Variants in TMEFF1 observed in about 807,000 individuals in gnomAD.
TMEFF1 encodes the protein tomoregulin-1.
TMEFF1 carries 20 observed loss-of-function variants against 47.5 expected under a neutral mutation model. That is an observed-to-expected ratio of 0.42 (90% CI 0.30 to 0.61). The LOEUF (loss-of-function observed/expected upper bound fraction) is 0.61, where lower values mean the gene tolerates loss of function less well. TMEFF1 is among the 20% of genes least tolerant of loss of function. The pLI is 0.19. For synonymous variants in TMEFF1, 162 were observed against 166.3 expected (o/e 0.97, Z 0.20); for missense variants, 411 against 471.1 (o/e 0.87, Z 1.18).
intron 4 of TMEFF1, among the ~76,000 whole-genome samples, chr9:100,514,727 G>A (rs1838031497): frequency 6.6e-6 from 1 of 151,660 alleles, no homozygotes; most frequent in Admixed American, 6.6e-5. Flanking sequence ...GGGCACAGTG[G>A]CTCATGCCTG....
At chr9:100,575,637 C>T (rs1460817577) in intron 9 of TMEFF1, among the ~76,000 whole-genome samples, 3 of 152,164 alleles carry the variant, frequency 2.0e-5, no homozygotes, top group Non-Finnish European at 4.4e-5. Flanking sequence ...GAGGAGTACT[C>T]ATTGTTATAA....
At chr9:100,573,117 A>G (rs1218205611) in intron 9 of TMEFF1, among the ~76,000 whole-genome samples, 1 of 152,002 alleles carries the variant, frequency 6.6e-6, no homozygotes, top group Admixed American at 6.6e-5. Flanking sequence ...ATAGGCGTGA[A>G]CCACCCTGAC....
chr9:100,497,799 T>TA (rs1837684464), intron 1 of TMEFF1, among the ~76,000 whole-genome samples: 1 of 152,118 alleles, frequency 6.6e-6, no homozygotes. Context: ...GATCTAGAGA[T>TA]ACAGGAGTCC....
chr9:100,514,579 A>G (rs1413713848), intron 4 of TMEFF1, among the ~76,000 whole-genome samples: 2 of 151,438 alleles, frequency 1.3e-5, no homozygotes, highest in African/African-American at 4.8e-5. Flanking sequence ...GGCTGGGCGC[A>G]GTGGCTCATG....
At chr9:100,559,523 TTA>T (rs2118541791) in intron 7 of TMEFF1, among the ~76,000 whole-genome samples, 1 of 152,290 alleles carries the variant, frequency 6.6e-6, no homozygotes, top group African/African-American at 2.4e-5. Context: ...GAGACTTATT[TTA>T]AAAAGTAAAA....
At chr9:100,526,095 T>TGG (rs1838248819) in intron 5 of TMEFF1, among the ~76,000 whole-genome samples, 2 of 152,228 alleles carry the variant, frequency 1.3e-5, no homozygotes, top group Non-Finnish European at 2.9e-5. Context: ...ATTCAGAACT[T>TGG]TGCAAGTGCA....
chr9:100,488,201 A>G (rs1303548351), intron 1 of TMEFF1, among the ~76,000 whole-genome samples: 3 of 152,232 alleles, frequency 2.0e-5, no homozygotes, highest in Non-Finnish European at 2.9e-5. Flanking sequence ...TAATGGGATT[A>G]TAACTGTATG....
intron 8 of TMEFF1, among the ~76,000 whole-genome samples, chr9:100,564,463 G>A (rs1369400000): frequency 6.6e-6 from 1 of 152,238 alleles, no homozygotes; most frequent in Non-Finnish European, 1.5e-5. Context: ...AACTATGACA[G>A]AGATCCAGGG....
intron 5 of TMEFF1, among the ~76,000 whole-genome samples, chr9:100,535,133 A>G (rs187796757): frequency 6.6e-6 from 1 of 152,180 alleles, no homozygotes. Context: ...ATCCATCTAT[A>G]TATATATTTT....
intron 8 of TMEFF1, among the ~76,000 whole-genome samples, chr9:100,571,162 A>G (rs1401336372): frequency 1.3e-5 from 2 of 152,214 alleles, no homozygotes; most frequent in African/African-American, 4.8e-5. Context: ...TATACACTGA[A>G]AAGTGTCTTG....
chr9:100,489,482 C>T (rs997039882), intron 1 of TMEFF1, among the ~76,000 whole-genome samples: 8 of 152,166 alleles, frequency 5.3e-5, no homozygotes, highest in African/African-American at 1.9e-4. Flanking sequence ...TGAGGCACTG[C>T]ACCCTGCCTA....
chr9:100,517,778 A>G (rs1465360677), intron 5 of TMEFF1, among the ~76,000 whole-genome samples: 1 of 152,220 alleles, frequency 6.6e-6, no homozygotes, highest in Admixed American at 6.5e-5. Flanking sequence ...GATTTGGAAG[A>G]ACATGTTTTC....
intron 1 of TMEFF1, among the ~76,000 whole-genome samples, chr9:100,493,476 G>GT: frequency 6.6e-6 from 1 of 152,248 alleles, no homozygotes; most frequent in South Asian, 2.1e-4. Flanking sequence ...GGCAGCTCAG[G>GT]TTCATAGAAA....
In TMEFF1 at chr9:100,497,320, C is replaced by CTT. The variant is rs752427622; in HGVS notation, c.197-1422_197-1421dup. Among the ~76,000 whole-genome samples, 416 of 59,470 alleles carry CTT rather than the reference C, an allele frequency of 7.0e-3. 9 individuals carry two copies. The highest frequency in any genetic ancestry group is 0.014 in the Middle Eastern group (1 of 72). The allele number at this position is 59,470 out of a possible 152,430, so 39.0% of individuals were successfully genotyped here. On this transcript the variant is annotated intron_variant, in intron 1 of 9. Transcript: ENST00000374879. ...TCTTGCTTTAAGTTTCCACTCATGT[C>CTT]TTTTTTTTTTTTTTTTTTTTTTTTG...
At chr9:100,537,879 G>T (rs534649277) in intron 5 of TMEFF1, among the ~76,000 whole-genome samples, 1 of 151,704 alleles carries the variant, frequency 6.6e-6, no homozygotes, top group East Asian at 1.9e-4. Flanking sequence ...TAAATTTTTG[G>T]TACAATATAT....
At chr9:100,555,158 CACAG>C (rs1319925262) in intron 7 of TMEFF1, among the ~76,000 whole-genome samples, 3 of 142,486 alleles carry the variant, frequency 2.1e-5, no homozygotes, top group Non-Finnish European at 3.1e-5. Flanking sequence ...ATATTGTACA[CACAG>C]ACACACACAC....
intron 5 of TMEFF1, among the ~76,000 whole-genome samples, chr9:100,524,184 C>T (rs976331444): frequency 1.3e-5 from 2 of 151,838 alleles, no homozygotes; most frequent in Non-Finnish European, 2.9e-5. Flanking sequence ...ACACTATACC[C>T]GTAGTTCTGT....
chr9:100,482,423 C>T (rs1414689678), intron 1 of TMEFF1, among the ~76,000 whole-genome samples: 1 of 150,212 alleles, frequency 6.7e-6, no homozygotes, highest in African/African-American at 2.4e-5. Flanking sequence ...GTCTTGAACT[C>T]CTGACCTCAA....
At chr9:100,546,266 T>C (rs1838730836) in intron 5 of TMEFF1, among the ~76,000 whole-genome samples, 1 of 152,080 alleles carries the variant, frequency 6.6e-6, no homozygotes, top group African/African-American at 2.4e-5. Flanking sequence ...GGCCTCACAA[T>C]CATGGTGGAA....
Sources: gnomAD v4.1 joint callset for allele counts (sites outside exome capture counted in the v4.1 genomes callset) on GRCh38, gnomAD v4.1.1 for gene constraint, MANE v1.5 for transcripts, NCBI Gene and HGNC (gene_info 2026-07-23, HGNC 2026-07-21) for gene names.